DNAH10: variants seen among roughly 807,000 people sequenced by gnomAD.
The protein encoded by DNAH10 is axonemal beta dynein heavy chain 10.
DNAH10 carries 348 observed loss-of-function variants against 506.6 expected under a neutral mutation model. The ratio of observed to expected loss-of-function variants is 0.69; its 90% confidence interval spans 0.63 to 0.75. DNAH10 has a LOEUF of 0.75. Ranked by LOEUF, DNAH10 falls within the 30% of genes least tolerant of loss-of-function variation. DNAH10 has a pLI of 0.00. For synonymous variants in DNAH10, 2,059 were observed against 2,198.6 expected, an observed-to-expected ratio of 0.94 and a Z score of 1.78; for missense variants, 5,179 against 5,787.1, an observed-to-expected ratio of 0.89 and a Z score of 3.41.
intron 69 of DNAH10, chr12:123,927,473 G>T (rs1954998441): frequency 1.3e-5 from 2 of 153,966 alleles, no homozygotes; most frequent in Non-Finnish European, 2.9e-5. Flanking sequence ...AGTGGGTGGA[G>T]AGAGGCTGAG....
chr12:123,775,781 TAGAA>T (rs1237145882), intron 5 of DNAH10, among the ~76,000 whole-genome samples: 1 of 152,006 alleles, frequency 6.6e-6, no homozygotes, highest in Non-Finnish European at 1.5e-5. Context: ...AAAGACCAAA[TAGAA>T]AGCCATGGAA....
chr12:123,834,226 T>TA (rs1180616030), intron 27 of DNAH10, among the ~76,000 whole-genome samples: 2 of 152,176 alleles, frequency 1.3e-5, no homozygotes, highest in Non-Finnish European at 2.9e-5. Context: ...AATTTTTTTT[T>TA]AGATGGAGTC....
intron 51 of DNAH10, among the ~76,000 whole-genome samples, chr12:123,885,984 C>T (rs752544770): frequency 1.3e-5 from 2 of 152,096 alleles, no homozygotes; most frequent in Non-Finnish European, 2.9e-5. Flanking sequence ...CAAAATTTCA[C>T]AAATATTGGC....
intron 11 of DNAH10, among the ~76,000 whole-genome samples, chr12:123,790,330 C>T (rs1958032383): frequency 6.6e-6 from 1 of 152,106 alleles, no homozygotes; most frequent in African/African-American, 2.4e-5. Context: ...ACCCATTCTC[C>T]AGGTGGGATA....
At chr12:123,804,764 T>C (rs1958599164) in intron 17 of DNAH10, 69 bp from the exon 18 acceptor site, 4 of 1,498,984 alleles carry the variant, frequency 2.7e-6, no homozygotes, top group African/African-American at 2.8e-5. Context: ...AGCTCATGTT[T>C]GGATTGCCTT....
intron 14 of DNAH10, among the ~76,000 whole-genome samples, chr12:123,799,576 T>G (rs1361672877): frequency 1.3e-5 from 2 of 152,200 alleles, no homozygotes; most frequent in Non-Finnish European, 2.9e-5. Flanking sequence ...CGGGCAGCCC[T>G]ACTGACTTCT....
chr12:123,791,210 C>T (rs890688659), intron 11 of DNAH10, among the ~76,000 whole-genome samples: 5 of 152,116 alleles, frequency 3.3e-5, no homozygotes, highest in Non-Finnish European at 7.4e-5. Flanking sequence ...ACAGTATAGG[C>T]TGCTTTGGAC....
chr12:123,917,965 G>A lies in DNAH10; in HGVS notation c.11232+152G>A, dbSNP rs549413170. Among the ~76,000 whole-genome samples, 1 of 152,346 alleles carries A rather than the reference G, an allele frequency of 6.6e-6. No individual in the cohort carries two copies. Among genetic ancestry groups the A allele is most frequent in the Non-Finnish European group, 1.5e-5 (1 of 68,020 alleles). On this transcript the variant is annotated intron_variant, in intron 64 of 78. Coordinates refer to ENST00000673944, the MANE Select transcript of DNAH10 (RefSeq NM_001372106.1). This position sits in a 1 kb window ranked among gnomAD's most constrained non-coding sequence, Gnocchi z 5.6. Reference sequence around the variant, plus strand: ...ATTGGGATGTGCTGTGGGGAGGGGAGCCCTAAAGGTGTTCCCAGGGACCCT... The same window carrying A: ...ATTGGGATGTGCTGTGGGGAGGGGAACCCTAAAGGTGTTCCCAGGGACCCT...
Position 123,928,374 on chromosome 12 carries a change from T to C in DNAH10, c.12106-13T>C. 1 of 1,575,078 alleles carries C rather than the reference T, an allele frequency of 6.3e-7. No individual in the cohort carries two copies. Among genetic ancestry groups the C allele is most frequent in the Non-Finnish European group, 8.6e-7 (1 of 1,160,916 alleles). ...ATGCCAACCCCTCTCCTCTTCCCTC[T>C]CCCCCGGCGCAGGTGGCCCTGCAGC... is the stretch of plus-strand genomic sequence containing the variant. On this transcript the variant is annotated splice_polypyrimidine_tract_variant and intron_variant, in intron 69 of 78. Coordinates refer to ENST00000673944, the MANE Select transcript of DNAH10 (RefSeq NM_001372106.1). This position sits in a 1 kb window ranked among gnomAD's most constrained non-coding sequence, Gnocchi z 4.9.
rs763172835 is a variant in DNAH10 at position 123,933,443 on chromosome 12, G to A, written c.13409G>A (p.Arg4470His). The stretch of plus-strand genomic sequence containing the variant: ...CGGAAGAACGGCTGGCCACTGGACC[G>A]CTCCACCTTGTTCACACAAGTGACC... ...TCRKNGWPLD[R>H]STLFTQVTKF... is the part of the protein sequence containing the mutation. The change falls in exon 77 of 79, where the codon CGC becomes CAC. Residue 4470 changes from arginine (R) to histidine (H), a missense_variant. This residue lies in a region of DNAH10 where 4,844 missense variants were observed against 5,430.5 expected (regional missense o/e 0.89). Coordinates refer to ENST00000673944, the MANE Select transcript of DNAH10 (RefSeq NM_001372106.1). 2.5e-5 allele frequency: 40 copies of A among 1,612,624 alleles called. 2 individuals are homozygous for A. In the South Asian group the frequency reaches 3.8e-4, roughly 16 times the overall value.
intron 5 of DNAH10, among the ~76,000 whole-genome samples, chr12:123,780,103 A>ACC: frequency 6.6e-6 from 1 of 150,556 alleles, no homozygotes; most frequent in Admixed American, 6.6e-5. Flanking sequence ...GGTTTAACAC[A>ACC]GTTTCTTACC....
At chr12:123,866,941 G>A (rs1221161500) in intron 41 of DNAH10, among the ~76,000 whole-genome samples, 1 of 152,194 alleles carries the variant, frequency 6.6e-6, no homozygotes, top group Non-Finnish European at 1.5e-5. Context: ...TGTGTCTCTA[G>A]TAGGGCTACT....
At chr12:123,795,855 C>T (rs1958256044) in intron 12 of DNAH10, among the ~76,000 whole-genome samples, 1 of 152,012 alleles carries the variant, frequency 6.6e-6, no homozygotes, top group Admixed American at 6.5e-5. Context: ...CTAAAAGTAA[C>T]TAAAAGAGTA....
chr12:123,873,556 A>C lies in DNAH10; in HGVS notation c.7786-2A>C, dbSNP rs1288507023. The C allele has an allele frequency of 6.2e-7, 1 of 1,606,328 alleles. No individual in the cohort carries two copies. Among genetic ancestry groups the C allele is most frequent in the Admixed American group, 1.7e-5 (1 of 58,664 alleles). Reference sequence around the variant, plus strand: ...TTTTCACATCATCTCTTTCTGCTTCAGATTGTGTTAATGGTCAACTTCTCC... The same window carrying C: ...TTTTCACATCATCTCTTTCTGCTTCCGATTGTGTTAATGGTCAACTTCTCC... On this transcript the variant is annotated splice_acceptor_variant, in intron 45 of 78. Coordinates refer to ENST00000673944, the MANE Select transcript of DNAH10 (RefSeq NM_001372106.1). LOFTEE classifies it high-confidence loss of function.
Position 123,771,599 on chromosome 12 carries a change from AGCT to A in DNAH10, c.299-1_300del. On this transcript the variant is annotated splice_acceptor_variant and coding_sequence_variant, in exon 3 of 79. Coordinates refer to ENST00000673944, the MANE Select transcript of DNAH10 (RefSeq NM_001372106.1). LOFTEE classifies it high-confidence loss of function. Reference sequence around the variant, plus strand: ...TCTCTTAAACTGATTGCTGTTTTGCAGCTAAGCGTGTGTCACTGAGAACCGAAT... The same window carrying A: ...TCTCTTAAACTGATTGCTGTTTTGCAAAGCGTGTGTCACTGAGAACCGAAT... The A allele has an allele frequency of 6.2e-7, 1 of 1,612,918 alleles. No homozygotes were observed. The highest frequency in any genetic ancestry group is 8.5e-7 in the Non-Finnish European group (1 of 1,179,324).
At chr12:123,908,078 GTCTC>G (rs1301210819) in intron 57 of DNAH10, among the ~76,000 whole-genome samples, 1 of 130,790 alleles carries the variant, frequency 7.6e-6, no homozygotes, top group Non-Finnish European at 1.7e-5. Context: ...TCTCCTCCCT[GTCTC>G]TCTGTCTCCT....
chr12:123,898,664 C>A lies in DNAH10; in HGVS notation c.9490C>A (p.Arg3164Ser). Reference sequence around the variant, plus strand: ...CCCTCTTTCCTCAGCTCAGTGCAAGCGTCTGGATGGGGGACTGGACAAGCT... The same window carrying A: ...CCCTCTTTCCTCAGCTCAGTGCAAGAGTCTGGATGGGGGACTGGACAAGCT... ...KTQCNIAQCK[R>S]LDGGLDKLKE... The change falls in exon 56 of 79, where the codon CGT (arginine) becomes AGT (serine). Residue 3164 changes from arginine to serine, a missense_variant. Arg to Ser is a moderately radical substitution (Grantham distance 110, BLOSUM62 -1). Coordinates refer to ENST00000673944, the MANE Select transcript of DNAH10 (RefSeq NM_001372106.1). The A allele has an allele frequency of 1.3e-6, 2 of 1,583,354 alleles. No individual in the cohort carries two copies. The highest frequency in any genetic ancestry group is 1.7e-6 in the Non-Finnish European group (2 of 1,164,906).
chr12:123,923,668 C>A, intron 65 of DNAH10, 95 bp from the exon 66 acceptor site: 1 of 769,796 alleles, frequency 1.3e-6, no homozygotes, highest in Non-Finnish European at 2.1e-6. Context: ...TCGAGTGTTT[C>A]ATTTATCTTA....
chr12:123,868,912 T>G (rs1007415439), intron 43 of DNAH10, among the ~76,000 whole-genome samples: 4 of 152,012 alleles, frequency 2.6e-5, no homozygotes, highest in African/African-American at 9.7e-5. Context: ...CTTTGGGGAG[T>G]GCTTTTCAGC....
Sources: gnomAD v4.1 joint callset for allele counts (sites outside exome capture counted in the v4.1 genomes callset) on GRCh38, gnomAD v4.1.1 for gene constraint, gnomAD v4.1.1 regional missense constraint, Gnocchi (gnomAD v3.1) non-coding constraint, MANE v1.5 for transcripts, NCBI Gene and HGNC (gene_info 2026-07-23, HGNC 2026-07-21) for gene names.